Variants in XIRP2 observed in about 807,000 individuals in gnomAD.
XIRP2 encodes xin actin binding repeat containing 2.
In XIRP2, 236 loss-of-function variants were observed where a neutral mutation model predicts 277.0. The observed-to-expected ratio is 0.85, with a 90% CI of 0.77 to 0.95. The LOEUF (loss-of-function observed/expected upper bound fraction) is 0.95. Ranked by LOEUF, XIRP2 falls within the 40% of genes least tolerant of loss-of-function variation. The probability of loss-of-function intolerance (pLI) is 0.00; values close to 1 mark genes in which losing one functional copy is unlikely to be tolerated. For synonymous variants in XIRP2, 1,490 were observed against 1,416.5 expected (o/e 1.05, Z -1.17); for missense variants, 4,640 against 4,157.5 (o/e 1.12, Z -3.19).
At chr2:167,011,851 T>C (rs1471627338) in intron 2 of XIRP2, among the ~76,000 whole-genome samples, 7 of 152,150 alleles carry the variant, frequency 4.6e-5, no homozygotes, top group Admixed American at 4.6e-4. Flanking sequence ...TTTTCTAGTT[T>C]ATTTGCGAAG....
At chr2:167,222,705 A>T (rs1040538717) in intron 5 of XIRP2, among the ~76,000 whole-genome samples, 1 of 152,198 alleles carries the variant, frequency 6.6e-6, no homozygotes, top group Non-Finnish European at 1.5e-5. Flanking sequence ...TAAATAATCC[A>T]TCTACTCAAC....
At chr2:167,151,733 A>G (rs563510094) in intron 3 of XIRP2, among the ~76,000 whole-genome samples, 55 of 152,274 alleles carry the variant, frequency 3.6e-4, no homozygotes, top group African/African-American at 1.2e-3. Context: ...GTTTCTGCCC[A>G]TATAGGGCTT....
chr2:166,954,725 A>C (rs1342450005), intron 2 of XIRP2, among the ~76,000 whole-genome samples: 1 of 151,996 alleles, frequency 6.6e-6, no homozygotes, highest in African/African-American at 2.4e-5. Context: ...ACACCATAGA[A>C]TACTACGCAG....
intron 2 of XIRP2, among the ~76,000 whole-genome samples, chr2:167,058,590 A>T (rs1202857287): frequency 1.3e-5 from 2 of 152,144 alleles, no homozygotes; most frequent in African/African-American, 4.8e-5. Context: ...CTCAGTTGGT[A>T]TCTCACCACT....
At position 167,034,010 on chromosome 2, in the gene XIRP2, C is replaced by T. The variant is rs112509041; in HGVS notation, c.409-101899C>T. On this transcript the variant is annotated intron_variant, in intron 2 of 10. Coordinates refer to ENST00000409195, the MANE Select transcript of XIRP2 (RefSeq NM_152381.6). ...TAACAGTGTAATTGTGTTATATAAA[C>T]TACTTATATCTTGAGTTGAAAGAAT... is the stretch of plus-strand genomic sequence containing the variant. 7.6e-4 allele frequency among the ~76,000 whole-genome samples: 116 copies of T among 152,192 alleles called. 1 individual carries two copies. The highest frequency in any genetic ancestry group is 2.7e-3 in the African/African-American group (114 of 41,540).
intron 2 of XIRP2, among the ~76,000 whole-genome samples, chr2:166,935,321 A>G (rs1266947741): frequency 1.3e-5 from 2 of 152,226 alleles, no homozygotes; most frequent in African/African-American, 4.8e-5. Flanking sequence ...CATATAAAAG[A>G]GACTAATAGG....
In XIRP2 at chr2:167,028,599, C is replaced by G. The variant is rs532353157; in HGVS notation, c.409-107310C>G. 2.4e-3 allele frequency among the ~76,000 whole-genome samples: 359 copies of G among 152,030 alleles called. 1 individual carries two copies. Among genetic ancestry groups the G allele is most frequent in the African/African-American group, 8.2e-3 (340 of 41,506 alleles). ...TTGGGAAGCCTTCCCAAGACAGGTACAAAGAAGTCCAGACCTCAAAGACTA... is the reference window on the plus strand; with the variant it reads ...TTGGGAAGCCTTCCCAAGACAGGTAGAAAGAAGTCCAGACCTCAAAGACTA... On this transcript the variant is annotated intron_variant, in intron 2 of 10. Coordinates refer to ENST00000409195, the MANE Select transcript of XIRP2 (RefSeq NM_152381.6).
At chr2:167,001,334 C>A (rs1687363219) in intron 2 of XIRP2, among the ~76,000 whole-genome samples, 1 of 151,932 alleles carries the variant, frequency 6.6e-6, no homozygotes, top group Non-Finnish European at 1.5e-5. Context: ...TGAAAGGCCA[C>A]AATAAAAAGA....
At chr2:167,181,174 T>A (rs1692996990) in intron 3 of XIRP2, among the ~76,000 whole-genome samples, 1 of 152,154 alleles carries the variant, frequency 6.6e-6, no homozygotes, top group Non-Finnish European at 1.5e-5. Flanking sequence ...GGGGTAGGGG[T>A]GTAGCAGAGG....
intron 2 of XIRP2, among the ~76,000 whole-genome samples, chr2:167,132,379 C>T (rs1048330611): frequency 2.0e-5 from 3 of 152,088 alleles, no homozygotes. Flanking sequence ...CCTACCTGCA[C>T]AGAATAAGGC....
chr2:167,125,951 C>A (rs116428466), intron 2 of XIRP2, among the ~76,000 whole-genome samples: 1 of 152,128 alleles, frequency 6.6e-6, no homozygotes, highest in Non-Finnish European at 1.5e-5. Flanking sequence ...CATCCAATAT[C>A]CTCCAGGCAG....
intron 3 of XIRP2, among the ~76,000 whole-genome samples, chr2:167,178,750 T>C (rs1320629515): frequency 1.3e-5 from 2 of 152,150 alleles, no homozygotes; most frequent in Admixed American, 1.3e-4. Flanking sequence ...AACTTTTTGC[T>C]TTTTTTCCTC....
intron 2 of XIRP2, among the ~76,000 whole-genome samples, chr2:167,134,393 A>G (rs1222081288): frequency 6.6e-6 from 1 of 151,882 alleles, no homozygotes; most frequent in Non-Finnish European, 1.5e-5. Context: ...ATTATATATA[A>G]ATTGAAAAGC....
intron 3 of XIRP2, among the ~76,000 whole-genome samples, chr2:167,170,588 C>T (rs1015682205): frequency 1.3e-5 from 2 of 152,050 alleles, no homozygotes; most frequent in South Asian, 4.2e-4. Context: ...TATTTACTGA[C>T]AAAAAATTGA....
chr2:167,235,241 T>C (rs1010581005), intron 5 of XIRP2, among the ~76,000 whole-genome samples: 4 of 151,812 alleles, frequency 2.6e-5, no homozygotes, highest in Non-Finnish European at 5.9e-5. Flanking sequence ...TATTTTTCCA[T>C]AGATGTTCTG....
chr2:166,926,475 A>G (rs1037320776), intron 2 of XIRP2, among the ~76,000 whole-genome samples: 6 of 152,102 alleles, frequency 3.9e-5, no homozygotes, highest in African/African-American at 1.4e-4. Context: ...TGCTTATTCT[A>G]TTGTGTCATT....
At chr2:167,013,820 C>T (rs573686150) in intron 2 of XIRP2, among the ~76,000 whole-genome samples, 1 of 151,170 alleles carries the variant, frequency 6.6e-6, no homozygotes, top group Non-Finnish European at 1.5e-5. Flanking sequence ...TACATGCAAT[C>T]TTTTCATGTA....
At chr2:167,219,801 G>A (rs2105402394) in intron 5 of XIRP2, among the ~76,000 whole-genome samples, 1 of 152,316 alleles carries the variant, frequency 6.6e-6, no homozygotes, top group Non-Finnish European at 1.5e-5. Flanking sequence ...ACTGTTGAGT[G>A]ATTTGCCTAT....
chr2:167,030,001 A>G (rs557884169), intron 2 of XIRP2, among the ~76,000 whole-genome samples: 1 of 152,090 alleles, frequency 6.6e-6, no homozygotes, highest in South Asian at 2.1e-4. Context: ...TTATTTGCAT[A>G]GAGGTGTTTG....
Sources: gnomAD v4.1 joint callset for allele counts (sites outside exome capture counted in the v4.1 genomes callset) on GRCh38, gnomAD v4.1.1 for gene constraint, MANE v1.5 for transcripts, NCBI Gene and HGNC (gene_info 2026-07-23, HGNC 2026-07-21) for gene names.